Variants in DACH1 observed in about 807,000 individuals in gnomAD.
DACH1 encodes the protein dachshund homolog 1.
In DACH1, 12 loss-of-function variants were observed where a neutral mutation model predicts 54.2. The ratio of observed to expected loss-of-function variants is 0.22; its 90% CI spans 0.14 to 0.36. The LOEUF (loss-of-function observed/expected upper bound fraction) is 0.36. Among genes scored for constraint, DACH1 ranks in the 10% least tolerant of loss-of-function variants. The probability of loss-of-function intolerance (pLI) is 1.00; values close to 1 mark genes in which losing one functional copy is unlikely to be tolerated. For synonymous variants in DACH1, 386 were observed against 366.2 expected, an observed-to-expected ratio of 1.05 and a Z score of -0.62; for missense variants, 805 against 929.8, an observed-to-expected ratio of 0.87 and a Z score of 1.75.
chr13:71,782,610 A>C (rs1245678494), intron 1 of DACH1, among the ~76,000 whole-genome samples: 2 of 152,136 alleles, frequency 1.3e-5, no homozygotes, highest in Non-Finnish European at 2.9e-5. Context: ...TTTCTTTACA[A>C]ATCTCCCATA....
intron 1 of DACH1, among the ~76,000 whole-genome samples, chr13:71,799,882 T>C (rs1887219607): frequency 6.6e-6 from 1 of 152,046 alleles, no homozygotes; most frequent in Non-Finnish European, 1.5e-5. Flanking sequence ...ATGGAAAAAA[T>C]CTTGATTGTT....
At chr13:71,590,703 G>A (rs1873638342) in intron 3 of DACH1, among the ~76,000 whole-genome samples, 1 of 151,942 alleles carries the variant, frequency 6.6e-6, no homozygotes, top group Non-Finnish European at 1.5e-5. Flanking sequence ...AAGAATGGGG[G>A]AAAAATAGGA....
chr13:71,488,116 T>C (rs1439150884), intron 7 of DACH1, among the ~76,000 whole-genome samples: 1 of 152,130 alleles, frequency 6.6e-6, no homozygotes, highest in Non-Finnish European at 1.5e-5. Flanking sequence ...ACATTTCCAC[T>C]GGGGGAAACT....
At position 71,573,815 on chromosome 13, in the gene DACH1, A is replaced by T. The variant is rs150712466; in HGVS notation, c.1127-803T>A. Among the ~76,000 whole-genome samples, 715 of 152,274 alleles carry T rather than the reference A, an allele frequency of 4.7e-3. 7 individuals are homozygous for T. The highest frequency in any genetic ancestry group is 0.016 in the African/African-American group (659 of 41,554). On this transcript the variant is annotated intron_variant, in intron 3 of 10. Coordinates refer to ENST00000613252, the MANE Select transcript of DACH1 (RefSeq NM_080759.6). The stretch of plus-strand genomic sequence containing the variant: ...CCGGCAACATTTAACCTAGTGGTGG[A>T]GTCTAATACTGTTCGGCTATCCAGC...
chr13:71,584,829 A>T (rs1873117299), intron 3 of DACH1, among the ~76,000 whole-genome samples: 1 of 152,094 alleles, frequency 6.6e-6, no homozygotes, highest in African/African-American at 2.4e-5. Context: ...AATCTTAGGG[A>T]GGCAAGACAA....
chr13:71,495,036 C>T (rs1214721281), intron 6 of DACH1, among the ~76,000 whole-genome samples: 9 of 151,718 alleles, frequency 5.9e-5, no homozygotes, highest in Admixed American at 5.9e-4. Context: ...ATAACTAATC[C>T]CTTTGGGTTT....
chr13:71,578,206 C>T (rs1338353140), intron 3 of DACH1, among the ~76,000 whole-genome samples: 1 of 152,116 alleles, frequency 6.6e-6, no homozygotes, highest in Non-Finnish European at 1.5e-5. Context: ...AACGGTCACA[C>T]CACTGCTTAT....
chr13:71,506,350 T>C (rs1283153232), intron 6 of DACH1, among the ~76,000 whole-genome samples: 2 of 139,602 alleles, frequency 1.4e-5, no homozygotes, highest in African/African-American at 2.7e-5. Context: ...TGTGATCTCA[T>C]TGTTCAATTC....
intron 1 of DACH1, among the ~76,000 whole-genome samples, chr13:71,834,468 T>G (rs1431399063): frequency 1.3e-5 from 2 of 152,088 alleles, no homozygotes. Flanking sequence ...CTAGAGCTAT[T>G]GTGCCCAAGA....
chr13:71,528,240 T>A (rs1477954802), intron 6 of DACH1, among the ~76,000 whole-genome samples: 4 of 152,110 alleles, frequency 2.6e-5, no homozygotes, highest in African/African-American at 9.7e-5. Flanking sequence ...AATTCAATGA[T>A]CGTACCGGGG....
chr13:71,529,625 A>G (rs539972427), intron 6 of DACH1, among the ~76,000 whole-genome samples: 9 of 152,294 alleles, frequency 5.9e-5, no homozygotes, highest in African/African-American at 2.2e-4. Flanking sequence ...AATATTCACT[A>G]AAGATTTCAG....
chr13:71,866,620 A>G lies in DACH1; in HGVS notation c.150T>C (p.Ser50=), dbSNP rs763789454. Residue 50 remains serine, a synonymous_variant, in exon 1 of 11, where the codon TCT becomes TCC. Transcript: ENST00000613252. ...GCTCCGGGCGGAACAGAGTTGGCCC[A>G]GAGGACGCCGGGGGTCCGATGGAAG... ...PAPSIGPPAS[S]GPTLFRPEPI... The G allele has an allele frequency of 7.2e-7, 1 of 1,382,714 alleles. No homozygotes were observed. 85.7% of individuals were successfully genotyped at this position (1,382,714 alleles called of 1,614,324 possible).
chr13:71,848,740 G>A (rs2138257999), intron 1 of DACH1, among the ~76,000 whole-genome samples: 1 of 152,142 alleles, frequency 6.6e-6, no homozygotes. Context: ...GCCCAGGATG[G>A]TCTGGAACCC....
chr13:71,596,889 G>T (rs1319005861), intron 3 of DACH1, among the ~76,000 whole-genome samples: 4 of 152,276 alleles, frequency 2.6e-5, no homozygotes, highest in Admixed American at 6.5e-5. Flanking sequence ...TCAAGGAGAG[G>T]TTGAAGACTT....
chr13:71,732,382 C>A (rs981604324), intron 1 of DACH1, among the ~76,000 whole-genome samples: 1 of 151,762 alleles, frequency 6.6e-6, no homozygotes, highest in East Asian at 1.9e-4. Context: ...CTCAGGAGTT[C>A]GAGACCAGCC....
At chr13:71,582,593 C>CT (rs1381487982) in intron 3 of DACH1, among the ~76,000 whole-genome samples, 2 of 152,050 alleles carry the variant, frequency 1.3e-5, no homozygotes, top group Non-Finnish European at 2.9e-5. Context: ...AGATGGCTGC[C>CT]TTTAAATAGA....
chr13:71,811,003 TC>T (rs1252910547), intron 1 of DACH1, among the ~76,000 whole-genome samples: 2 of 152,138 alleles, frequency 1.3e-5, no homozygotes, highest in African/African-American at 4.8e-5. Context: ...ACATTTTTTT[TC>T]AATAATATCC....
At chr13:71,567,127 GTCTC>G (rs984491515) in intron 4 of DACH1, among the ~76,000 whole-genome samples, 1 of 151,852 alleles carries the variant, frequency 6.6e-6, no homozygotes. Context: ...ATGTCACAAA[GTCTC>G]TCTCTCACAC....
At chr13:71,634,261 C>T (rs780592172) in intron 2 of DACH1, among the ~76,000 whole-genome samples, 2 of 152,132 alleles carry the variant, frequency 1.3e-5, no homozygotes, top group Non-Finnish European at 2.9e-5. Flanking sequence ...GCATGAGCCA[C>T]GGCACCTGGC....
Sources: allele counts gnomAD v4.1 joint callset (sites outside exome capture counted in the v4.1 genomes callset), GRCh38; gene constraint gnomAD v4.1.1; transcripts MANE v1.5; gene names NCBI Gene and HGNC (gene_info 2026-07-23, HGNC 2026-07-21).